ABCC1: variants seen among roughly 807,000 people sequenced by gnomAD.
ABCC1 encodes the protein multidrug resistance-associated protein 1.
ABCC1 carries 83 observed loss-of-function variants against 172.9 expected under a neutral mutation model. The ratio of observed to expected loss-of-function variants is 0.48; its 90% confidence interval spans 0.40 to 0.58. ABCC1 has a LOEUF of 0.58. ABCC1 is among the 20% of genes least tolerant of loss of function. The probability of loss-of-function intolerance (pLI) is 0.00; values close to 1 mark genes in which losing one functional copy is unlikely to be tolerated. For missense variants in ABCC1, 1,817 were observed against 2,002.7 expected (o/e 0.91, Z 1.77); for synonymous variants, 937 against 825.2 (o/e 1.14, Z -2.32).
intron 4 of ABCC1, 69 bp downstream of exon 4, chr16:16,014,697 C>T (rs1352188221): frequency 6.3e-6 from 10 of 1,579,200 alleles, no homozygotes; most frequent in African/African-American, 1.3e-5. Context: ...GTCCCTCTGG[C>T]TTGTGTAGAA....
chr16:16,009,661 C>G, intron 2 of ABCC1, 115 bp from the exon 3 acceptor site: 1 of 1,144,766 alleles, frequency 8.7e-7, no homozygotes, highest in Admixed American at 2.7e-5. Context: ...AGGACTGTGG[C>G]TGATCATTTG....
chr16:16,114,873 T>A lies in ABCC1; in HGVS notation c.3187T>A (p.Phe1063Ile). 6.2e-7 allele frequency: 1 copy of A among 1,613,956 alleles called. No homozygotes were observed. The highest frequency in any genetic ancestry group is 8.5e-7 in the Non-Finnish European group (1 of 1,179,928). ...CAGCATCCTGCGGTCACCCATGAGC[T>A]TCTTTGAGCGGACCCCCAGTGGGAA... ...LHSILRSPMS[F>I]FERTPSGNLV... The change falls in exon 23 of 31, where the codon TTC (phenylalanine) becomes ATC (isoleucine). Residue 1063 changes from phenylalanine (F) to isoleucine (I), a missense_variant. By Grantham distance (21) the Phe-to-Ile change is conservative (BLOSUM62 0). Around this residue, in one of 3 missense-constraint regions of ABCC1, gnomAD observed 1,412 missense variants for 1,600.3 expected, o/e 0.88. Coordinates refer to ENST00000399410, the MANE Select transcript of ABCC1 (RefSeq NM_004996.4).
At chr16:16,126,074 G>T (rs566859613) in intron 26 of ABCC1, among the ~76,000 whole-genome samples, 163 bp downstream of exon 26, 1 of 152,282 alleles carries the variant, frequency 6.6e-6, no homozygotes, top group Admixed American at 6.5e-5. Context: ...CTTATTTAGA[G>T]CCCGGTTTTA....
chr16:16,135,324 G>T (rs1019574185), intron 28 of ABCC1, among the ~76,000 whole-genome samples: 2 of 152,100 alleles, frequency 1.3e-5, no homozygotes, highest in Non-Finnish European at 2.9e-5. Context: ...TCCTCCATCT[G>T]TCCCCACTTA....
chr16:16,011,158 G>A (rs1021723421), intron 3 of ABCC1, among the ~76,000 whole-genome samples: 9 of 152,080 alleles, frequency 5.9e-5, no homozygotes, highest in African/African-American at 1.9e-4. Context: ...GCTTGAACCC[G>A]GGAAGTGGAG....
chr16:15,972,581 C>T (rs2046394108), intron 1 of ABCC1, among the ~76,000 whole-genome samples: 2 of 152,082 alleles, frequency 1.3e-5, no homozygotes, highest in African/African-American at 2.4e-5. Context: ...TCAGGAAAGT[C>T]CAAGCCTTCT....
chr16:16,083,347 T>G lies in ABCC1; in HGVS notation c.2116-19T>G. The G allele has an allele frequency of 6.2e-7, 1 of 1,610,982 alleles. No individual in the cohort carries two copies. Among genetic ancestry groups the G allele is most frequent in the South Asian group, 1.1e-5 (1 of 90,902 alleles). On this transcript the variant is annotated intron_variant, in intron 16 of 30. Coordinates refer to ENST00000399410, the MANE Select transcript of ABCC1 (RefSeq NM_004996.4). Reference sequence around the variant, plus strand: ...CTGTCTGTGTGTCTGTCTCACCTCGTTCTCCATTTGCAACTTAGGGCTCCG... The same window carrying G: ...CTGTCTGTGTGTCTGTCTCACCTCGGTCTCCATTTGCAACTTAGGGCTCCG...
intron 21 of ABCC1, among the ~76,000 whole-genome samples, chr16:16,107,487 A>G (rs1240725480): frequency 6.6e-6 from 1 of 152,046 alleles, no homozygotes; most frequent in Non-Finnish European, 1.5e-5. Context: ...ACAGGGTTTC[A>G]CCATGTTGGC....
In ABCC1 at chr16:16,052,840, C is replaced by T. The variant is rs901932197; in HGVS notation, c.1473+24C>T. 4.3e-6 allele frequency: 7 copies of T among 1,611,966 alleles called. No homozygotes were observed. In the East Asian group the frequency reaches 6.7e-5, roughly 15 times the overall value. ...AGGTAAGGCATGTGTCTCTGCGGGC[C>T]CCCAAGCCGGGCCCTAGGCAGAGGC... On this transcript the variant is annotated intron_variant, in intron 11 of 30. Coordinates refer to ENST00000399410, the MANE Select transcript of ABCC1 (RefSeq NM_004996.4).
chr16:16,060,940 C>T (rs917241491), intron 12 of ABCC1, among the ~76,000 whole-genome samples: 4 of 152,102 alleles, frequency 2.6e-5, no homozygotes, highest in African/African-American at 9.7e-5. Context: ...CCTCAGCCTC[C>T]TGAGTAGCTG....
chr16:16,078,369 A>C lies in ABCC1; in HGVS notation c.1989-983A>C, dbSNP rs113330325. Among the ~76,000 whole-genome samples, 979 of 152,100 alleles carry C rather than the reference A, an allele frequency of 6.4e-3. 9 individuals are homozygous for C. The highest frequency in any genetic ancestry group is 0.022 in the African/African-American group (932 of 41,496). The stretch of plus-strand genomic sequence containing the variant: ...GTCTTACTGGGTGAATGCTGAGCTT[A>C]TTTTATTTTGCTTTCTGCTGTTCGT... On this transcript the variant is annotated intron_variant, in intron 15 of 30. Coordinates refer to ENST00000399410, the MANE Select transcript of ABCC1 (RefSeq NM_004996.4).
At chr16:16,088,701 A>T (rs1224707743) in intron 18 of ABCC1, among the ~76,000 whole-genome samples, 2 of 140,296 alleles carry the variant, frequency 1.4e-5, no homozygotes, top group South Asian at 2.2e-4. Context: ...AACATGGCCA[A>T]TGTATTTTTT....
At chr16:16,059,698 G>A (rs1208254178) in intron 12 of ABCC1, among the ~76,000 whole-genome samples, 2 of 151,904 alleles carry the variant, frequency 1.3e-5, no homozygotes, top group African/African-American at 2.4e-5. Context: ...ATAGCTACTC[G>A]GGAGGCTGAG....
intron 5 of ABCC1, among the ~76,000 whole-genome samples, chr16:16,027,516 TAAA>T (rs2048416125): frequency 6.6e-6 from 1 of 152,062 alleles, no homozygotes; most frequent in Admixed American, 6.6e-5. Flanking sequence ...TATTGACAAA[TAAA>T]AATGGTATAT....
At chr16:16,097,121 G>A (rs2051514837) in intron 19 of ABCC1, among the ~76,000 whole-genome samples, 1 of 151,880 alleles carries the variant, frequency 6.6e-6, no homozygotes, top group Non-Finnish European at 1.5e-5. Context: ...GTTTTGTTTT[G>A]TTTTGTTTGT....
intron 1 of ABCC1, among the ~76,000 whole-genome samples, chr16:15,978,341 C>T (rs539255988): frequency 1.3e-5 from 2 of 152,248 alleles, no homozygotes; most frequent in Non-Finnish European, 1.5e-5. Flanking sequence ...GCTTTCCAGC[C>T]TGGGCAACAG....
In ABCC1 at chr16:16,138,240, G is replaced by A. The variant is rs945810851; in HGVS notation, c.4293-124G>A. 16 of 784,708 alleles carry A rather than the reference G, an allele frequency of 2.0e-5. No individual in the cohort carries two copies. The Admixed American group carries it at 4.4e-4, about 22-fold the overall frequency. 48.6% of individuals were successfully genotyped at this position (784,708 alleles called of 1,614,324 possible). A position where few individuals can be genotyped will look rare whatever the true frequency, so the allele number is the denominator to read the frequency against. ...TGCTGCAGACACAGATGTTGGGAGT[G>A]GACATGCTTTCCTGGTCAAGCAACA... On this transcript the variant is annotated intron_variant, in intron 29 of 30. Coordinates refer to ENST00000399410, the MANE Select transcript of ABCC1 (RefSeq NM_004996.4).
intron 20 of ABCC1, chr16:16,106,528 A>C (rs894341572): frequency 9.2e-6 from 5 of 544,716 alleles, no homozygotes; most frequent in African/African-American, 1.9e-5. Context: ...CCTGCCTGAG[A>C]CACTGCCTTT....
At chr16:16,111,936 CT>C (rs1178781030) in intron 22 of ABCC1, among the ~76,000 whole-genome samples, 8 of 152,166 alleles carry the variant, frequency 5.3e-5, no homozygotes, top group South Asian at 4.1e-4. Flanking sequence ...CATTTGCGGA[CT>C]TTTGCCTGCT....
Sources: gnomAD v4.1 joint callset for allele counts (sites outside exome capture counted in the v4.1 genomes callset) on GRCh38, gnomAD v4.1.1 for gene constraint, gnomAD v4.1.1 regional missense constraint, MANE v1.5 for transcripts, NCBI Gene and HGNC (gene_info 2026-07-23, HGNC 2026-07-21) for gene names.